The following DNAI2 variants were observed in gnomAD, a reference collection of about 807,000 sequenced individuals.
DNAI2 encodes the protein dynein axonemal intermediate chain 2.
A neutral mutation model predicts 74.7 loss-of-function variants in DNAI2; 63 were observed. That is an observed-to-expected ratio of 0.84 (90% CI 0.69 to 1.04). DNAI2 has a LOEUF of 1.04. Ranked by LOEUF, DNAI2 falls within the 50% of genes least tolerant of loss-of-function variation. The pLI, the probability that DNAI2 is intolerant of heterozygous loss-of-function variation, is 0.00. For missense variants in DNAI2, 688 were observed against 803.2 expected (o/e 0.86, Z 1.73); for synonymous variants, 289 against 314.9 (o/e 0.92, Z 0.87).
chr17:74,312,434 T>G (rs926236243), intron 12 of DNAI2, among the ~76,000 whole-genome samples: 3 of 152,122 alleles, frequency 2.0e-5, no homozygotes, highest in Non-Finnish European at 4.4e-5. Flanking sequence ...TTCAGGCTCC[T>G]TACAGGCAGG....
Position 74,314,670 on chromosome 17 carries a change from A to C in DNAI2, c.*137A>C. 1 of 223,232 alleles carries C rather than the reference A, an allele frequency of 4.5e-6. No homozygotes were observed. The highest frequency in any genetic ancestry group is 7.0e-5 in the South Asian group (1 of 14,282). The allele number at this position is 223,232 out of a possible 1,614,324, so 13.8% of individuals were successfully genotyped here. ...GGGAAGGGTTTCTCCTCCATGATCG[A>C]CCCTCCTCGTCCACCTACAAATCAG... is the stretch of plus-strand genomic sequence containing the variant. On this transcript the variant is annotated 3_prime_UTR_variant, in exon 14 of 14. Coordinates refer to ENST00000311014, the MANE Select transcript of DNAI2 (RefSeq NM_023036.6).
chr17:74,276,390 C>T (rs1004946934), intron 1 of DNAI2, among the ~76,000 whole-genome samples: 1 of 152,110 alleles, frequency 6.6e-6, no homozygotes, highest in African/African-American at 2.4e-5. Context: ...GAGGATCTCC[C>T]CCCAAAACTC....
chr17:74,311,781 A>G (rs1380025090), intron 11 of DNAI2, among the ~76,000 whole-genome samples: 1 of 152,148 alleles, frequency 6.6e-6, no homozygotes, highest in East Asian at 1.9e-4. Flanking sequence ...CTGGAACTCC[A>G]TGCTCCTTGG....
At chr17:74,281,582 G>T in intron 1 of DNAI2, 1 of 599,264 alleles carries the variant, frequency 1.7e-6, no homozygotes, top group South Asian at 2.0e-5. Context: ...CCTCCTCAGA[G>T]AGCAACTGCA....
intron 1 of DNAI2, among the ~76,000 whole-genome samples, chr17:74,279,685 G>T (rs985471954): frequency 6.6e-6 from 1 of 152,114 alleles, no homozygotes; most frequent in Non-Finnish European, 1.5e-5. Flanking sequence ...GTGCCACCAT[G>T]CCTGGATAAT....
intron 4 of DNAI2, 57 bp from the exon 5 acceptor site, chr17:74,289,537 G>C: frequency 6.3e-7 from 1 of 1,590,818 alleles, no homozygotes; most frequent in Non-Finnish European, 8.5e-7. Flanking sequence ...AAAAAAAAGG[G>C]GGAGAAATTG....
chr17:74,311,975 C>A, intron 11 of DNAI2, 28 bp from the exon 12 acceptor site: 2 of 1,608,768 alleles, frequency 1.2e-6, no homozygotes, highest in Non-Finnish European at 1.7e-6. Flanking sequence ...CTCTCCCCAC[C>A]GGGCTCTCTC....
At chr17:74,309,217 T>C in intron 9 of DNAI2, 36 bp from the exon 10 acceptor site, 1 of 1,613,308 alleles carries the variant, frequency 6.2e-7, no homozygotes, top group South Asian at 1.1e-5. Flanking sequence ...CAGAAGCCTC[T>C]GTCCCTCCAA....
intron 6 of DNAI2, among the ~76,000 whole-genome samples, chr17:74,291,415 G>A (rs1455457716): frequency 6.6e-6 from 1 of 152,066 alleles, no homozygotes; most frequent in East Asian, 1.9e-4. Flanking sequence ...TCACCCACCT[G>A]GGCCTCCCAA....
chr17:74,280,423 C>T (rs950640913), intron 1 of DNAI2, among the ~76,000 whole-genome samples: 1 of 152,226 alleles, frequency 6.6e-6, no homozygotes, highest in Admixed American at 6.5e-5. Flanking sequence ...TTCCCAATTC[C>T]CTGCTGTGTC....
At chr17:74,307,246 C>G in intron 9 of DNAI2, 1 of 456,224 alleles carries the variant, frequency 2.2e-6, no homozygotes, top group Non-Finnish European at 4.4e-6. Context: ...AGCAGGGTGT[C>G]GAGCACAGCA....
intron 6 of DNAI2, among the ~76,000 whole-genome samples, chr17:74,298,028 CG>C (rs1199887287): frequency 6.6e-6 from 1 of 152,182 alleles, no homozygotes; most frequent in Admixed American, 6.5e-5. Context: ...GGAATAGACC[CG>C]GGCTCCCATA....
At position 74,286,999 on chromosome 17, in the gene DNAI2, A is replaced by T; in HGVS notation, c.368A>T (p.Gln123Leu). Residue 123 changes from glutamine (Q) to leucine (L), a missense_variant, in exon 4 of 14, where the codon CAG (glutamine) becomes CTG (leucine). Transcript: ENST00000311014. Reference sequence around the variant, plus strand: ...TAGATCATGGAGCACTGCATCAAGCAGAACAATGCCATTGACATCTATGAA... The same window carrying T: ...TAGATCATGGAGCACTGCATCAAGCTGAACAATGCCATTGACATCTATGAA... The part of the protein sequence containing the change: ...LGSIMEHCIK[Q>L]NNAIDIYEEY... The T allele has an allele frequency of 6.2e-7, 1 of 1,613,908 alleles. No homozygotes were observed. The highest frequency in any genetic ancestry group is 1.3e-5 in the African/African-American group (1 of 75,046).
At chr17:74,301,755 G>C (rs997533070) in intron 8 of DNAI2, among the ~76,000 whole-genome samples, 4 of 141,698 alleles carry the variant, frequency 2.8e-5, no homozygotes, top group African/African-American at 5.3e-5. Context: ...TTTAAGACCA[G>C]CCTGGGTACA....
At position 74,300,999 on chromosome 17, in the gene DNAI2, G is replaced by T; in HGVS notation, c.865-47G>T. 3.7e-6 allele frequency: 6 copies of T among 1,610,814 alleles called. No homozygotes were observed. Among genetic ancestry groups the T allele is most frequent in the Non-Finnish European group, 5.1e-6 (6 of 1,178,524 alleles). ...GAGGGCGGAGAAGGCAAAAGCCAGG[G>T]GAAATACAGGGCCTCGAAGTCTCAC... On this transcript the variant is annotated intron_variant, in intron 7 of 13. Coordinates refer to ENST00000311014, the MANE Select transcript of DNAI2 (RefSeq NM_023036.6). The surrounding 1 kb of genome is among the most constrained non-coding windows in gnomAD (Gnocchi z 4.5).
chr17:74,304,569 C>T (rs1250920995), intron 8 of DNAI2, among the ~76,000 whole-genome samples: 1 of 152,144 alleles, frequency 6.6e-6, no homozygotes, highest in South Asian at 2.1e-4. Context: ...AGTCAGGAGA[C>T]CAGCCTTTGT....
intron 8 of DNAI2, among the ~76,000 whole-genome samples, chr17:74,301,819 AAG>A (rs1315440961): frequency 2.7e-5 from 4 of 147,238 alleles, no homozygotes; most frequent in Non-Finnish European, 6.0e-5. Context: ...GAAAGAAAGA[AAG>A]AGAGGGAGAG....
intron 1 of DNAI2, among the ~76,000 whole-genome samples, chr17:74,279,824 C>T (rs1412182057): frequency 2.6e-5 from 4 of 152,180 alleles, no homozygotes; most frequent in South Asian, 2.1e-4. Context: ...CCACAATGCC[C>T]GGCCTAATCT....
chr17:74,278,936 G>T (rs1028301261), intron 1 of DNAI2, among the ~76,000 whole-genome samples: 1 of 152,244 alleles, frequency 6.6e-6, no homozygotes, highest in Non-Finnish European at 1.5e-5. Context: ...GGGAGGCCAA[G>T]GTGGGTGGAT....
Sources: gnomAD v4.1 joint callset for allele counts (sites outside exome capture counted in the v4.1 genomes callset) on GRCh38, gnomAD v4.1.1 for gene constraint, Gnocchi (gnomAD v3.1) non-coding constraint, MANE v1.5 for transcripts, NCBI Gene and HGNC (gene_info 2026-07-23, HGNC 2026-07-21) for gene names.